C1QTNF7: variants seen among roughly 807,000 people sequenced by gnomAD.
C1QTNF7 encodes the protein C1q and TNF related 7.
Under a neutral mutation model 19.6 loss-of-function variants are expected in C1QTNF7, and 15 were observed. The observed-to-expected ratio is 0.76, with a 90% CI of 0.51 to 1.18. The LOEUF (loss-of-function observed/expected upper bound fraction) is 1.18, where lower values mean the gene tolerates loss of function less well. Among genes scored for constraint, C1QTNF7 ranks in the 50% most tolerant of loss-of-function variants. The probability of loss-of-function intolerance (pLI) is 0.00; values close to 1 mark genes in which losing one functional copy is unlikely to be tolerated. For synonymous variants in C1QTNF7, 142 were observed against 137.5 expected (o/e 1.03, Z -0.23); for missense variants, 324 against 359.7 (o/e 0.90, Z 0.80).
intron 1 of C1QTNF7, among the ~76,000 whole-genome samples, chr4:15,385,887 A>G (rs956785944): frequency 1.3e-5 from 2 of 152,254 alleles, no homozygotes; most frequent in African/African-American, 2.4e-5. Flanking sequence ...CTTATATATT[A>G]CATTAGATTA....
rs904357433 is a variant in C1QTNF7 at position 15,396,906 on chromosome 4, A to G, written c.14-38830A>G. Among the ~76,000 whole-genome samples the G allele has an allele frequency of 2.6e-5, 4 of 152,280 alleles. No homozygotes were observed. The East Asian group carries it at 7.7e-4, about 29-fold the overall frequency. On this transcript the variant is annotated intron_variant, in intron 1 of 2. Transcript: ENST00000295297. ...TGTGATGGCATATTAGTCTGTTTTC[A>G]CGCTGCTAATAAACACATACCTGAG... is the stretch of plus-strand genomic sequence containing the variant.
intron 1 of C1QTNF7, among the ~76,000 whole-genome samples, chr4:15,368,176 T>C (rs1256739327): frequency 6.6e-6 from 1 of 152,228 alleles, no homozygotes; most frequent in Non-Finnish European, 1.5e-5. Context: ...AGACTCTTTG[T>C]GTCTGGCTTT....
chr4:15,391,234 C>T (rs1394432349), intron 1 of C1QTNF7, among the ~76,000 whole-genome samples: 1 of 151,922 alleles, frequency 6.6e-6, no homozygotes, highest in Non-Finnish European at 1.5e-5. Context: ...TCCAGGTCTA[C>T]ACCCTAGTAG....
chr4:15,440,915 C>A (rs1001143663), intron 2 of C1QTNF7, among the ~76,000 whole-genome samples: 6 of 152,054 alleles, frequency 3.9e-5, no homozygotes, highest in African/African-American at 1.4e-4. Flanking sequence ...CCGAGGCAGG[C>A]GGATCACCTG....
chr4:15,400,370 A>C lies in C1QTNF7; in HGVS notation c.14-35366A>C, dbSNP rs7690655. On this transcript the variant is annotated intron_variant, in intron 1 of 2. Transcript: ENST00000295297. ...TCAGCCAAGTATGTTCAGTGGCAGT[A>C]AATAATGCTGTCAACAGCATTAAAT... is the stretch of plus-strand genomic sequence containing the variant. 2.3e-3 allele frequency among the ~76,000 whole-genome samples: 354 copies of C among 152,384 alleles called. 2 individuals carry two copies. Among genetic ancestry groups the C allele is most frequent in the African/African-American group, 8.0e-3 (334 of 41,594 alleles).
chr4:15,406,980 G>A (rs998272519), intron 1 of C1QTNF7, among the ~76,000 whole-genome samples: 1 of 152,048 alleles, frequency 6.6e-6, no homozygotes, highest in Non-Finnish European at 1.5e-5. Context: ...TGTATTAATT[G>A]TGTAATATTT....
chr4:15,360,463 G>T (rs570475719), intron 1 of C1QTNF7, among the ~76,000 whole-genome samples: 1 of 152,038 alleles, frequency 6.6e-6, no homozygotes, highest in East Asian at 1.9e-4. Context: ...TTGAATTCAT[G>T]GCCAACATCG....
At chr4:15,409,849 A>T (rs1445719878) in intron 1 of C1QTNF7, among the ~76,000 whole-genome samples, 1 of 152,210 alleles carries the variant, frequency 6.6e-6, no homozygotes, top group Non-Finnish European at 1.5e-5. Flanking sequence ...AGCATTCCAC[A>T]CACAGTTTGG....
intron 1 of C1QTNF7, among the ~76,000 whole-genome samples, chr4:15,411,932 G>A (rs1719417412): frequency 6.6e-6 from 1 of 152,150 alleles, no homozygotes; most frequent in Non-Finnish European, 1.5e-5. Flanking sequence ...GGGTAGCACA[G>A]CAGGAGGTGA....
intron 1 of C1QTNF7, among the ~76,000 whole-genome samples, chr4:15,369,794 A>C (rs1318768139): frequency 1.3e-5 from 2 of 152,220 alleles, no homozygotes; most frequent in East Asian, 3.8e-4. Flanking sequence ...TGAATACATT[A>C]ATGAAGATAA....
At chr4:15,364,248 G>C in intron 1 of C1QTNF7, among the ~76,000 whole-genome samples, 1 of 152,108 alleles carries the variant, frequency 6.6e-6, no homozygotes, top group East Asian at 1.9e-4. Flanking sequence ...ATAGTCTTTG[G>C]CTTGGTGATT....
intron 1 of C1QTNF7, among the ~76,000 whole-genome samples, chr4:15,392,888 A>C (rs1385584682): frequency 6.6e-6 from 1 of 152,186 alleles, no homozygotes; most frequent in Admixed American, 6.5e-5. Context: ...TCCAACAAGA[A>C]AATCACCATC....
At chr4:15,426,904 G>T (rs1404051371), upstream of C1QTNF7, among the ~76,000 whole-genome samples, 3 of 152,122 alleles carry the variant, frequency 2.0e-5, no homozygotes, top group African/African-American at 7.2e-5. Context: ...AAATAATCAA[G>T]GACAACCATC....
At chr4:15,424,075 C>T (rs1289136645), upstream of C1QTNF7, among the ~76,000 whole-genome samples, 2 of 152,122 alleles carry the variant, frequency 1.3e-5, no homozygotes, top group African/African-American at 4.8e-5. Flanking sequence ...ATCTTTCTTC[C>T]CTGCCCTTTT....
At chr4:15,351,497 A>G (rs2067071129) in intron 1 of C1QTNF7, among the ~76,000 whole-genome samples, 1 of 152,214 alleles carries the variant, frequency 6.6e-6, no homozygotes, top group Non-Finnish European at 1.5e-5. Context: ...GGAGAAACAG[A>G]GCATTGCAAT....
At chr4:15,420,912 C>T (rs1711724154) in intron 1 of C1QTNF7, among the ~76,000 whole-genome samples, 1 of 139,426 alleles carries the variant, frequency 7.2e-6, no homozygotes, top group South Asian at 2.3e-4. Context: ...GTTGGATTTC[C>T]CAGCTCTCGC....
At chr4:15,359,084 G>T (rs1267946648) in intron 1 of C1QTNF7, among the ~76,000 whole-genome samples, 1 of 152,126 alleles carries the variant, frequency 6.6e-6, no homozygotes, top group South Asian at 2.1e-4. Flanking sequence ...TTCTTGCCCA[G>T]CAAACACTGC....
At chr4:15,358,106 A>G (rs1717208073) in intron 1 of C1QTNF7, 1 of 152,166 alleles carries the variant, frequency 6.6e-6, no homozygotes, top group South Asian at 2.1e-4. Context: ...CCTGGCCAGA[A>G]CTTCCAATAC....
intron 1 of C1QTNF7, among the ~76,000 whole-genome samples, chr4:15,380,047 C>A (rs1718081532): frequency 6.6e-6 from 1 of 152,176 alleles, no homozygotes; most frequent in African/African-American, 2.4e-5. Context: ...GGGAGTGGAC[C>A]CAACTCTGTT....
Sources: gnomAD v4.1 joint callset for allele counts (sites outside exome capture counted in the v4.1 genomes callset) on GRCh38, gnomAD v4.1.1 for gene constraint, MANE v1.5 for transcripts, NCBI Gene and HGNC (gene_info 2026-07-23, HGNC 2026-07-21) for gene names.